The following MED21 variants were observed in gnomAD, a reference collection of about 807,000 sequenced individuals.
MED21 encodes mediator of RNA polymerase II transcription subunit 21.
A neutral mutation model predicts 18.2 loss-of-function variants in MED21; 9 were observed. That is an observed-to-expected ratio of 0.49 (90% CI 0.30 to 0.86). The LOEUF (loss-of-function observed/expected upper bound fraction) is 0.86. Among genes scored for constraint, MED21 ranks in the 40% least tolerant of loss-of-function variants. MED21 has a pLI of 0.07. For synonymous variants in MED21, 73 were observed against 60.5 expected (o/e 1.21, Z -0.96); for missense variants, 150 against 170.9 (o/e 0.88, Z 0.68).
intron 2 of MED21, 141 bp from the exon 3 acceptor site, chr12:27,027,206 C>T (rs996756371): frequency 1.8e-4 from 90 of 506,738 alleles, no homozygotes; most frequent in Non-Finnish European, 2.7e-4. Context: ...GGATTACAGG[C>T]GTGAGCCACC....
intron 1 of MED21, 73 bp from the exon 2 acceptor site, chr12:27,026,347 T>C (rs566151052): frequency 2.1e-4 from 173 of 837,804 alleles, no homozygotes; most frequent in Non-Finnish European, 3.0e-4. Flanking sequence ...AACTTATTGT[T>C]GTTGCCATTA....
At position 27,026,412 on chromosome 12, in the gene MED21, GGCCTAAGCTT is replaced by G; in HGVS notation, c.43-5_47del. 1 of 1,588,706 alleles carries G rather than the reference GGCCTAAGCTT, an allele frequency of 6.3e-7. No individual in the cohort carries two copies. The highest frequency in any genetic ancestry group is 1.1e-5 in the South Asian group (1 of 90,060). On this transcript the variant is annotated splice_acceptor_variant and splice_polypyrimidine_tract_variant and coding_sequence_variant and intron_variant, in exon 2 of 4. Transcript: ENST00000282892. LOFTEE classifies it high-confidence loss of function. ...TTTCTAACCTTGATATGTTTTCTTT[GGCCTAAGCTT>G]GCAGATCAGTTTTGTAATGCCATTG...
At chr12:27,023,965 ACAG>A (rs1330773668) in intron 1 of MED21, among the ~76,000 whole-genome samples, 1 of 152,214 alleles carries the variant, frequency 6.6e-6, no homozygotes, top group Non-Finnish European at 1.5e-5. Flanking sequence ...AGGTTGATTT[ACAG>A]CAGCATCACC....
chr12:27,037,638 G>T (rs761041612), intron 2 of MED21: 1 of 152,076 alleles, frequency 6.6e-6, no homozygotes, highest in African/African-American at 2.4e-5. Context: ...TTAATCTCAG[G>T]AATGCATGGC....
At chr12:27,026,864 C>A (rs1399985671) in intron 2 of MED21, among the ~76,000 whole-genome samples, 1 of 152,194 alleles carries the variant, frequency 6.6e-6, no homozygotes, top group African/African-American at 2.4e-5. Flanking sequence ...AAATTACATA[C>A]ATTATGCTTA....
intron 1 of MED21, among the ~76,000 whole-genome samples, chr12:27,023,491 T>A (rs1466888590): frequency 6.6e-6 from 1 of 151,898 alleles, no homozygotes; most frequent in Non-Finnish European, 1.5e-5. Context: ...GAGACGGGGT[T>A]TCACCATGTT....
At chr12:27,034,910 C>T (rs1324016717), downstream of MED21, among the ~76,000 whole-genome samples, 1 of 152,186 alleles carries the variant, frequency 6.6e-6, no homozygotes, top group Non-Finnish European at 1.5e-5. Context: ...GTCACCACGC[C>T]TGGCTAATTT....
At chr12:27,026,570 C>T (rs1294588118) in intron 2 of MED21, 36 bp downstream of exon 2, 1 of 1,346,164 alleles carries the variant, frequency 7.4e-7, no homozygotes, top group African/African-American at 1.4e-5. Flanking sequence ...TAGTTTGACT[C>T]TCACATTTTT....
intron 1 of MED21, 110 bp downstream of exon 1, chr12:27,022,731 A>G (rs1284846415): frequency 1.3e-6 from 2 of 1,590,626 alleles, no homozygotes; most frequent in Non-Finnish European, 1.7e-6. Context: ...ACTGAGAGAC[A>G]GGGCTTCGGC....
downstream of MED21, among the ~76,000 whole-genome samples, chr12:27,033,948 T>G (rs566209262): frequency 4.9e-4 from 75 of 151,716 alleles, 1 homozygote; most frequent in African/African-American, 1.8e-3. Flanking sequence ...AAGAAAGAAA[T>G]AATAAAGGTA....
At chr12:27,032,182 G>T (rs922642463), downstream of MED21, among the ~76,000 whole-genome samples, 3 of 152,296 alleles carry the variant, frequency 2.0e-5, no homozygotes, top group East Asian at 5.8e-4. Context: ...TTTTCTGGAA[G>T]CCTATGGGAA....
At position 27,029,867 on chromosome 12, in the gene MED21, AGGTC is replaced by A; in HGVS notation, c.*1407_*1410del. ...GGAGTCAAAAAGGTACAAAGAGAAAAGGTCAAGACATTTTTCAAATGAGGGAAAA... is the reference window on the plus strand; with the variant it reads ...GGAGTCAAAAAGGTACAAAGAGAAAAAAGACATTTTTCAAATGAGGGAAAA... On this transcript the variant is annotated 3_prime_UTR_variant, in exon 4 of 4. Coordinates refer to ENST00000282892, the MANE Select transcript of MED21 (RefSeq NM_004264.5). The A allele has an allele frequency of 1.0e-6, 1 of 990,636 alleles. No individual in the cohort carries two copies. Among genetic ancestry groups the A allele is most frequent in the Non-Finnish European group, 1.2e-6 (1 of 818,242 alleles). The allele number at this position is 990,636 out of a possible 1,614,324, so 61.4% of individuals were successfully genotyped here.
At chr12:27,034,804 GCGGTGGCGTGATCT>G, downstream of MED21, among the ~76,000 whole-genome samples, 1 of 152,270 alleles carries the variant, frequency 6.6e-6, no homozygotes, top group East Asian at 1.9e-4. Flanking sequence ...GGGCTGGAGT[GCGGTGGCGTGATCT>G]CGGCTCACTG....
Position 27,028,330 on chromosome 12 carries a change from A to G in MED21, c.304A>G (p.Thr102Ala), listed in dbSNP as rs1311954442. Residue 102 changes from threonine to alanine, a missense_variant, in exon 4 of 4, where the codon ACA (threonine) becomes GCA (alanine). By Grantham distance (58) the Thr-to-Ala change is moderately conservative (BLOSUM62 0). Transcript: ENST00000282892. ...AGAAGAAGAAAACCATGAAGCTGCT[A>G]CATGTCTGGAGGATGTTGTTTATCG... is the stretch of plus-strand genomic sequence containing the variant. Reference protein sequence around the residue: ...KLEEENHEAATCLEDVVYRGD... With the variant: ...KLEEENHEAAACLEDVVYRGD... 1.9e-6 allele frequency: 3 copies of G among 1,614,030 alleles called. No individual in the cohort carries two copies. The highest frequency in any genetic ancestry group is 2.2e-5 in the East Asian group (1 of 44,884).
At chr12:27,024,069 G>A (rs147245589) in intron 1 of MED21, among the ~76,000 whole-genome samples, 1 of 152,320 alleles carries the variant, frequency 6.6e-6, no homozygotes, top group Non-Finnish European at 1.5e-5. Context: ...TATAACCATA[G>A]GGGACTGACA....
At chr12:27,032,960 C>A (rs532604520), downstream of MED21, among the ~76,000 whole-genome samples, 24 of 152,148 alleles carry the variant, frequency 1.6e-4, no homozygotes, top group Non-Finnish European at 3.4e-4. Context: ...GCTCAGCTGT[C>A]CCATTAACGT....
At chr12:27,035,030 G>A (rs139699662), downstream of MED21, among the ~76,000 whole-genome samples, 2,986 of 152,234 alleles carry the variant, frequency 0.02, 96 homozygotes, top group African/African-American at 0.068. Flanking sequence ...GGGATTACAG[G>A]CGTGAGCAAC....
chr12:27,030,761 C>G (rs1941610741), downstream of MED21: 2 of 152,182 alleles, frequency 1.3e-5, no homozygotes, highest in Admixed American at 6.5e-5. Context: ...TCAGTTAACC[C>G]TAAAGATTTC....
intron 1 of MED21, among the ~76,000 whole-genome samples, chr12:27,025,530 T>TACACCA (rs1941532500): frequency 6.6e-6 from 1 of 152,162 alleles, no homozygotes; most frequent in Non-Finnish European, 1.5e-5. Flanking sequence ...GATAATTGGT[T>TACACCA]GAACTAAGCA....
Sources: gnomAD v4.1 joint callset for allele counts (sites outside exome capture counted in the v4.1 genomes callset) on GRCh38, gnomAD v4.1.1 for gene constraint, MANE v1.5 for transcripts, NCBI Gene and HGNC (gene_info 2026-07-23, HGNC 2026-07-21) for gene names.